Variants in MAK16 observed in about 807,000 individuals in gnomAD.
The protein encoded by MAK16 is protein MAK16 homolog.
Under a neutral mutation model 49.9 loss-of-function variants are expected in MAK16, and 12 were observed. That is an observed-to-expected ratio of 0.24 (90% CI 0.15 to 0.39). The LOEUF is 0.39. MAK16 is among the 10% of genes least tolerant of loss of function. The pLI is 1.00. For missense variants in MAK16, 292 were observed against 363.7 expected (o/e 0.80, Z 1.60); for synonymous variants, 115 against 126.4 (o/e 0.91, Z 0.60).
rs568721243 is a variant in MAK16, at chr8:33,499,090, A to G, written c.*461A>G. Reference sequence around the variant, plus strand: ...TTCACTTACAAAGTTTCGTGTAAAAATATCTTTTTTTCTTAAATAACTCCA... The same window carrying G: ...TTCACTTACAAAGTTTCGTGTAAAAGTATCTTTTTTTCTTAAATAACTCCA... On this transcript the variant is annotated 3_prime_UTR_variant, in exon 10 of 10. Transcript: ENST00000360128. The G allele has an allele frequency of 8.4e-7, 1 of 1,193,416 alleles. No homozygotes were observed. Among genetic ancestry groups the G allele is most frequent in the South Asian group, 1.3e-5 (1 of 79,094 alleles). The allele number at this position is 1,193,416 out of a possible 1,614,324, so 73.9% of individuals were successfully genotyped here.
rs149773807 is a variant in MAK16 at position 33,492,113 on chromosome 8, G to A, written c.447+1774G>A. ...CAACCTCTGCCTCCCAGGTTCAAGC[G>A]ATTCTTGTGCCTCAGCCTCCCAAGT... is the stretch of plus-strand genomic sequence containing the variant. On this transcript the variant is annotated intron_variant, in intron 6 of 9. Transcript: ENST00000360128. 3.3e-5 allele frequency among the ~76,000 whole-genome samples: 5 copies of A among 151,598 alleles called. No individual in the cohort carries two copies. In the East Asian group the frequency reaches 5.8e-4, roughly 18 times the overall value.
chr8:33,494,413 C>A (rs1808824295), intron 6 of MAK16, among the ~76,000 whole-genome samples: 2 of 152,190 alleles, frequency 1.3e-5, no homozygotes, highest in South Asian at 4.1e-4. Flanking sequence ...CATTAGATAA[C>A]CAGCATACTT....
At position 33,496,720 on chromosome 8, in the gene MAK16, T is replaced by C. The variant is rs749660444; in HGVS notation, c.618T>C (p.Asp206=). 1.6e-5 allele frequency: 25 copies of C among 1,569,946 alleles called. No individual in the cohort carries two copies. The highest frequency in any genetic ancestry group is 4.0e-5 in the African/African-American group (3 of 74,082). ...ESDSSDTEEK[D]DDDDDEEDVG... ...ACTCTTCAGATACTGAGGAAAAAGATGATGATGATGATGATGAGGAAGTAA... is the reference window on the plus strand; with the variant it reads ...ACTCTTCAGATACTGAGGAAAAAGACGATGATGATGATGATGAGGAAGTAA... The change falls in exon 8 of 10, where the codon GAT becomes GAC. Residue 206 remains aspartate, a synonymous_variant. Transcript: ENST00000360128.
At chr8:33,488,272 A>G (rs1451834025) in intron 1 of MAK16, 106 bp from the exon 2 acceptor site, 23 of 1,240,244 alleles carry the variant, frequency 1.9e-5, no homozygotes, top group Non-Finnish European at 2.7e-5. Context: ...GCTATTTTAC[A>G]AAACATTTCT....
Position 33,498,787 on chromosome 8 carries a change from A to G in MAK16, c.*158A>G, listed in dbSNP as rs769868219. ...ATTTATGCCACGTCAGTGGGGCAAG[A>G]AATCTGGAGTGAGTGAAGAAAGCTA... On this transcript the variant is annotated 3_prime_UTR_variant, in exon 10 of 10. Transcript: ENST00000360128. 9.0e-5 allele frequency: 61 copies of G among 674,762 alleles called. No individual in the cohort carries two copies. Among genetic ancestry groups the G allele is most frequent in the Non-Finnish European group, 1.4e-4 (56 of 401,154 alleles). 41.8% of individuals were successfully genotyped at this position (674,762 alleles called of 1,614,324 possible).
At position 33,500,690 on chromosome 8, in the gene MAK16, C is replaced by T. The variant is rs1409515934; in HGVS notation, c.*2061C>T. 5.3e-6 allele frequency: 3 copies of T among 570,362 alleles called. No individual in the cohort carries two copies. The highest frequency in any genetic ancestry group is 3.2e-5 in the East Asian group (1 of 31,426). The allele number at this position is 570,362 out of a possible 1,614,324, so 35.3% of individuals were successfully genotyped here. A position where few individuals can be genotyped will look rare whatever the true frequency, so the allele number is the denominator to read the frequency against. ...CTCAAGTCTCCTGTTAGCATACTGC[C>T]TATACACACAGACACACCCTCTGCC... is the stretch of plus-strand genomic sequence containing the variant. On this transcript the variant is annotated 3_prime_UTR_variant, in exon 10 of 10. Transcript: ENST00000360128.
intron 1 of MAK16, among the ~76,000 whole-genome samples, chr8:33,487,684 AGTG>A (rs33928328): frequency 0.55 from 83,077 of 151,538 alleles, 23,307 homozygotes; most frequent in Non-Finnish European, 0.61. Flanking sequence ...TGGCACTCAA[AGTG>A]CTGGGATTAC....
Position 33,488,931 on chromosome 8 carries a change from GA to G in MAK16, c.241-53del, listed in dbSNP as rs368298814. 1,651 of 1,611,524 alleles carry G rather than the reference GA, an allele frequency of 1.0e-3. 1 individual carries two copies. The highest frequency in any genetic ancestry group is 1.3e-3 in the Non-Finnish European group (1,556 of 1,178,044). The stretch of plus-strand genomic sequence containing the variant: ...TTAGGCCATGGGTGTCACTGACAGT[GA>G]AAACCTAATGAATCATTTACACTTG... On this transcript the variant is annotated intron_variant, in intron 4 of 9. Transcript: ENST00000360128.
rs747937354 is a variant in MAK16, at chr8:33,499,275, A to T, written c.*646A>T. Reference sequence around the variant, plus strand: ...AGCTTTGGGGAATTTTGGCCAGGAGACCCTGAAACATGAAACCAAACAGGC... The same window carrying T: ...AGCTTTGGGGAATTTTGGCCAGGAGTCCCTGAAACATGAAACCAAACAGGC... On this transcript the variant is annotated 3_prime_UTR_variant, in exon 10 of 10. Coordinates refer to ENST00000360128, the MANE Select transcript of MAK16 (RefSeq NM_032509.4). 2.5e-6 allele frequency: 4 copies of T among 1,609,950 alleles called. No homozygotes were observed. Among genetic ancestry groups the T allele is most frequent in the Non-Finnish European group, 3.4e-6 (4 of 1,177,676 alleles).
intron 6 of MAK16, among the ~76,000 whole-genome samples, chr8:33,493,752 T>C (rs1371112990): frequency 1.3e-5 from 2 of 152,206 alleles, no homozygotes; most frequent in Non-Finnish European, 2.9e-5. Context: ...ACCAATTGAG[T>C]TTGTAACCCT....
rs552214933 is a variant in MAK16 at position 33,499,305 on chromosome 8, A to AT, written c.*677dup. 2.5e-3 allele frequency: 3,800 copies of AT among 1,500,740 alleles called. 73 individuals are homozygous for AT. In the African/African-American group the frequency reaches 0.046, roughly 18 times the overall value. The allele number at this position is 1,500,740 out of a possible 1,614,324, so 93.0% of individuals were successfully genotyped here. On this transcript the variant is annotated 3_prime_UTR_variant, in exon 10 of 10. Coordinates refer to ENST00000360128, the MANE Select transcript of MAK16 (RefSeq NM_032509.4). ...GAAACATGAAACCAAACAGGCTTTG[A>AT]TATTTTTTTTTTTTTAATTACTTTC...
At chr8:33,496,777 T>C in intron 8 of MAK16, 36 bp downstream of exon 8, 1 of 1,419,008 alleles carries the variant, frequency 7.0e-7, no homozygotes. Flanking sequence ...ACCTACTAGA[T>C]ACCATTTGTA....
At chr8:33,490,811 T>A (rs1165284486) in intron 6 of MAK16, among the ~76,000 whole-genome samples, 1 of 152,252 alleles carries the variant, frequency 6.6e-6, no homozygotes, top group Non-Finnish European at 1.5e-5. Flanking sequence ...CTTACAGTTA[T>A]TTTAAAATGT....
Position 33,500,232 on chromosome 8 carries a change from A to G in MAK16, c.*1603A>G. 7.0e-7 allele frequency: 1 copy of G among 1,438,312 alleles called. No individual in the cohort carries two copies. The highest frequency in any genetic ancestry group is 9.7e-7 in the Non-Finnish European group (1 of 1,035,114). 89.1% of individuals were successfully genotyped at this position (1,438,312 alleles called of 1,614,324 possible). On this transcript the variant is annotated 3_prime_UTR_variant, in exon 10 of 10. Transcript: ENST00000360128. ...TAAAACCCTCCATGTTCATTTCCAG[A>G]CTTGGTCAGGCACATACATAGTAAA...
intron 6 of MAK16, among the ~76,000 whole-genome samples, chr8:33,493,996 G>A (rs1253727550): frequency 7.4e-6 from 1 of 135,648 alleles, no homozygotes; most frequent in African/African-American, 3.2e-5. Context: ...CAGATTAAGC[G>A]TATTTATTTT....
At chr8:33,487,528 C>T (rs893033411) in intron 1 of MAK16, among the ~76,000 whole-genome samples, 6 of 151,588 alleles carry the variant, frequency 4.0e-5, no homozygotes, top group Admixed American at 2.0e-4. Context: ...TGGGTTCAAG[C>T]GATTCTCCTG....
At chr8:33,497,514 A>G (rs925104827) in intron 9 of MAK16, among the ~76,000 whole-genome samples, 1 of 150,894 alleles carries the variant, frequency 6.6e-6, no homozygotes. Context: ...TTTTTTTTAG[A>G]TGAAGTTTCG....
At chr8:33,490,064 G>A (rs1808752873) in intron 5 of MAK16, among the ~76,000 whole-genome samples, 1 of 152,136 alleles carries the variant, frequency 6.6e-6, no homozygotes, top group Non-Finnish European at 1.5e-5. Flanking sequence ...GAAGCGTTTA[G>A]TGTATCTTGC....
At chr8:33,485,889 A>G (rs971196534) in intron 1 of MAK16, among the ~76,000 whole-genome samples, 31 of 152,230 alleles carry the variant, frequency 2.0e-4, no homozygotes, top group African/African-American at 7.5e-4. Flanking sequence ...AAGAAAGACC[A>G]GAGATGATGA....
Sources: gnomAD v4.1 joint callset for allele counts (sites outside exome capture counted in the v4.1 genomes callset) on GRCh38, gnomAD v4.1.1 for gene constraint, MANE v1.5 for transcripts, NCBI Gene and HGNC (gene_info 2026-07-23, HGNC 2026-07-21) for gene names.